Variants in MRPS5 observed in about 807,000 individuals in gnomAD.
MRPS5 encodes mitochondrial ribosomal protein S5.
In MRPS5, 27 loss-of-function variants were observed where a neutral mutation model predicts 51.9. The observed-to-expected ratio is 0.52, with a 90% CI of 0.38 to 0.72. MRPS5 has a LOEUF of 0.72. Among genes scored for constraint, MRPS5 ranks in the 30% least tolerant of loss-of-function variants. The pLI is 0.00. For missense variants in MRPS5, 570 were observed against 545.7 expected (o/e 1.04, Z -0.44); for synonymous variants, 196 against 193.2 (o/e 1.01, Z -0.12).
chr2:95,112,443 C>T (rs1204767280), intron 3 of MRPS5, among the ~76,000 whole-genome samples: 2 of 152,122 alleles, frequency 1.3e-5, no homozygotes, highest in African/African-American at 4.8e-5. Flanking sequence ...GGAGTTATTT[C>T]CCTCTTAATC....
intron 6 of MRPS5, among the ~76,000 whole-genome samples, chr2:95,106,202 T>G (rs1370712312): frequency 2.6e-5 from 4 of 152,180 alleles, no homozygotes; most frequent in Non-Finnish European, 4.4e-5. Context: ...TTATGAGACC[T>G]CAGTGGTAGC....
chr2:95,114,843 G>T (rs1676236833), intron 3 of MRPS5, among the ~76,000 whole-genome samples: 1 of 152,114 alleles, frequency 6.6e-6, no homozygotes, highest in Non-Finnish European at 1.5e-5. Context: ...TCAGGCCTCA[G>T]GTGCCCCAAA....
chr2:95,100,510 T>C lies in MRPS5; in HGVS notation c.895A>G (p.Lys299Glu). 6.2e-7 allele frequency: 1 copy of C among 1,608,348 alleles called. No homozygotes were observed. The highest frequency in any genetic ancestry group is 8.5e-7 in the Non-Finnish European group (1 of 1,174,948). Residue 299 changes from lysine (K) to glutamate (E), a missense_variant, in exon 10 of 12, where the codon AAA (lysine) becomes GAA (glutamate). Lys to Glu is a moderately conservative substitution (Grantham distance 56). Transcript: ENST00000272418. Reference protein sequence around the residue: ...TIFHDISLRFKRTHIKMKKQP... With the variant: ...TIFHDISLRFERTHIKMKKQP... Reference sequence around the variant, plus strand: ...TTCTTCATCTTGATATGCGTCCTTTTAAATCTTAATGAAATATCATGGAAT... The same window carrying C: ...TTCTTCATCTTGATATGCGTCCTTTCAAATCTTAATGAAATATCATGGAAT...
At chr2:95,089,566 A>G (rs750478613) in intron 11 of MRPS5, among the ~76,000 whole-genome samples, 160 of 152,102 alleles carry the variant, frequency 1.1e-3, no homozygotes, top group Non-Finnish European at 1.6e-4. Flanking sequence ...AGCCGGGCCC[A>G]GGGCTCCCAC....
chr2:95,097,364 G>A (rs1169543189), intron 10 of MRPS5, among the ~76,000 whole-genome samples: 1 of 152,118 alleles, frequency 6.6e-6, no homozygotes, highest in Non-Finnish European at 1.5e-5. Context: ...GGAGCATATG[G>A]AACCAAAAAA....
intron 11 of MRPS5, among the ~76,000 whole-genome samples, chr2:95,089,370 C>T (rs1454913052): frequency 1.3e-5 from 2 of 152,220 alleles, no homozygotes; most frequent in African/African-American, 4.8e-5. Flanking sequence ...CTGCCAAAGT[C>T]CTCAGCTAAC....
Position 95,095,860 on chromosome 2 carries a change from C to A in MRPS5, c.931+4614G>T, listed in dbSNP as rs562510216. Among the ~76,000 whole-genome samples, 2 of 152,160 alleles carry A rather than the reference C, an allele frequency of 1.3e-5. 1 individual carries two copies. The highest frequency in any genetic ancestry group is 2.9e-5 in the Non-Finnish European group (2 of 68,004). ...AGGCAAGAAATAACTAAGATCAGAGCAGCACTGAAGGAAACAGACACACAA... is the reference window on the plus strand; with the variant it reads ...AGGCAAGAAATAACTAAGATCAGAGAAGCACTGAAGGAAACAGACACACAA... On this transcript the variant is annotated intron_variant, in intron 10 of 11. Transcript: ENST00000272418.
rs1213927270 is a variant in MRPS5 at position 95,085,575 on chromosome 2, C to T, written c.*1782G>A. 6.6e-6 allele frequency among the ~76,000 whole-genome samples: 1 copy of T among 152,204 alleles called. No individual in the cohort carries two copies. The highest frequency in any genetic ancestry group is 1.5e-5 in the Non-Finnish European group (1 of 68,040). On this transcript the variant is annotated 3_prime_UTR_variant, in exon 12 of 12. Coordinates refer to ENST00000272418, the MANE Select transcript of MRPS5 (RefSeq NM_031902.5). ...AGGCTGAAAACTTTCACCATCCAGC[C>T]TAACATGGCCTGCTCCCTATCCCAC...
chr2:95,121,637 C>T, intron 1 of MRPS5, 97 bp downstream of exon 1: 1 of 1,358,146 alleles, frequency 7.4e-7, no homozygotes, highest in South Asian at 1.3e-5. Flanking sequence ...GGGGCCGCGG[C>T]TTCTCGCTTC....
At chr2:95,109,851 A>T (rs1676065061) in intron 4 of MRPS5, 65 bp downstream of exon 4, 1 of 1,549,480 alleles carries the variant, frequency 6.5e-7, no homozygotes, top group African/African-American at 1.4e-5. Flanking sequence ...AGTTTGTAAA[A>T]TATCTATAAA....
rs1251852188 is a variant in MRPS5, at chr2:95,121,795, G to A, written c.-4C>T. 3.9e-6 allele frequency: 6 copies of A among 1,544,370 alleles called. No homozygotes were observed. Among genetic ancestry groups the A allele is most frequent in the Admixed American group, 1.9e-5 (1 of 52,890 alleles). ...CAGCGCGCACCGCGGTCGCCATGCT[G>A]GAGTCCGAGCCGCGCCTCGGCCTCC... On this transcript the variant is annotated 5_prime_UTR_variant, in exon 1 of 12. Transcript: ENST00000272418.
rs1420497144 is a variant in MRPS5 at position 95,085,458 on chromosome 2, A to T, written c.*1899T>A. Among the ~76,000 whole-genome samples the T allele has an allele frequency of 6.6e-6, 1 of 152,252 alleles. No individual in the cohort carries two copies. Among genetic ancestry groups the T allele is most frequent in the African/African-American group, 2.4e-5 (1 of 41,458 alleles). On this transcript the variant is annotated 3_prime_UTR_variant, in exon 12 of 12. Coordinates refer to ENST00000272418, the MANE Select transcript of MRPS5 (RefSeq NM_031902.5). ...GTTAGGTACTTAAGAAGGAAAACTA[A>T]CAGGACAGATAAGTTTTAGGAAATA...
Position 95,106,324 on chromosome 2 carries a change from A to C in MRPS5, c.672+99T>G. On this transcript the variant is annotated intron_variant, in intron 6 of 11. Transcript: ENST00000272418. Reference sequence around the variant, plus strand: ...AGCTGTGTGTCAGAAATAGTCATGCATCCAAGGCCTTCCCTTACAGTTCCT... The same window carrying C: ...AGCTGTGTGTCAGAAATAGTCATGCCTCCAAGGCCTTCCCTTACAGTTCCT... The C allele has an allele frequency of 1.0e-5, 10 of 983,756 alleles. No homozygotes were observed. In the South Asian group the frequency reaches 1.0e-4, roughly 10 times the overall value. 60.9% of individuals were successfully genotyped at this position (983,756 alleles called of 1,614,324 possible).
At chr2:95,109,480 T>C (rs1037648650) in intron 4 of MRPS5, among the ~76,000 whole-genome samples, 1 of 152,250 alleles carries the variant, frequency 6.6e-6, no homozygotes, top group African/African-American at 2.4e-5. Context: ...TACTGGAACA[T>C]AACGATGCCT....
intron 10 of MRPS5, among the ~76,000 whole-genome samples, chr2:95,094,890 TA>T (rs1675575902): frequency 6.6e-6 from 1 of 152,182 alleles, no homozygotes; most frequent in South Asian, 2.1e-4. Flanking sequence ...ATATTAACCT[TA>T]AATGTAAATG....
rs1017030095 is a variant in MRPS5 at position 95,086,162 on chromosome 2, C to G, written c.*1195G>C. Among the ~76,000 whole-genome samples the G allele has an allele frequency of 6.6e-6, 1 of 152,118 alleles. No individual in the cohort carries two copies. The highest frequency in any genetic ancestry group is 2.4e-5 in the African/African-American group (1 of 41,416). Reference sequence around the variant, plus strand: ...CTCAAACTCCTGGGCTGAAGCAATCCTCCTGCCTCACCTTCACAAAGTGCT... The same window carrying G: ...CTCAAACTCCTGGGCTGAAGCAATCGTCCTGCCTCACCTTCACAAAGTGCT... On this transcript the variant is annotated 3_prime_UTR_variant, in exon 12 of 12. Transcript: ENST00000272418.
chr2:95,119,437 C>T (rs1235179678), intron 1 of MRPS5, among the ~76,000 whole-genome samples: 1 of 151,866 alleles, frequency 6.6e-6, no homozygotes, highest in Non-Finnish European at 1.5e-5. Flanking sequence ...TTGCGAGACC[C>T]TGTCTCTACA....
At chr2:95,120,571 T>C (rs562543351) in intron 1 of MRPS5, among the ~76,000 whole-genome samples, 3 of 152,304 alleles carry the variant, frequency 2.0e-5, no homozygotes, top group East Asian at 1.9e-4. Context: ...ATTAATTGTA[T>C]GGTATGTGAA....
In MRPS5 at chr2:95,090,373, G is replaced by A. The variant is rs553721796; in HGVS notation, c.1068+13C>T. 3.5e-5 allele frequency: 56 copies of A among 1,612,310 alleles called. No individual in the cohort carries two copies. In the Admixed American group the frequency reaches 4.5e-4, roughly 13 times the overall value. ...AACTAGAACCTCTGTTTCAGACCCC[G>A]GGAAAGGATTACCTGTCTGGAGAGC... On this transcript the variant is annotated intron_variant, in intron 11 of 11. Coordinates refer to ENST00000272418, the MANE Select transcript of MRPS5 (RefSeq NM_031902.5).
Sources: allele counts gnomAD v4.1 joint callset (sites outside exome capture counted in the v4.1 genomes callset), GRCh38; gene constraint gnomAD v4.1.1; transcripts MANE v1.5; gene names NCBI Gene and HGNC (gene_info 2026-07-23, HGNC 2026-07-21).